LUZP1: variants seen among roughly 807,000 people sequenced by gnomAD.
LUZP1 encodes filamin mechanobinding actin cross-linking protein.
Under a neutral mutation model 71.3 loss-of-function variants are expected in LUZP1, and 25 were observed. The observed-to-expected ratio is 0.35, with a 90% CI of 0.26 to 0.49. The LOEUF (loss-of-function observed/expected upper bound fraction) is 0.49, where lower values mean the gene tolerates loss of function less well. Among genes scored for constraint, LUZP1 ranks in the 20% least tolerant of loss-of-function variants. LUZP1 has a pLI of 0.99. For missense variants in LUZP1, 1,142 were observed against 1,300.8 expected (o/e 0.88, Z 1.88); for synonymous variants, 481 against 506.4 (o/e 0.95, Z 0.67).
intron 2 of LUZP1, among the ~76,000 whole-genome samples, chr1:23,158,014 T>TAA (rs766891195): frequency 1.3e-5 from 2 of 150,462 alleles, no homozygotes; most frequent in East Asian, 2.0e-4. Context: ...CCTGTCTCTT[T>TAA]AAAAAAAAAG....
intron 2 of LUZP1, among the ~76,000 whole-genome samples, chr1:23,143,259 A>T (rs1322878281): frequency 6.6e-6 from 1 of 152,114 alleles, no homozygotes; most frequent in Non-Finnish European, 1.5e-5. Flanking sequence ...CACCTGCCTA[A>T]GCCTCCCAAA....
Position 23,094,233 on chromosome 1 carries a change from G to C in LUZP1, c.29C>G (p.Thr10Arg). ...AAACCGCAAGTGGCGGCTGGAGGCCGTCTCCTTGTAGCTTGTAAATTCGGC... is the reference window on the plus strand; with the variant it reads ...AAACCGCAAGTGGCGGCTGGAGGCCCTCTCCTTGTAGCTTGTAAATTCGGC... The change falls in exon 4 of 5, where the codon ACG becomes AGG. Residue 10 changes from threonine to arginine, a missense_variant. By Grantham distance (71) the Thr-to-Arg change is moderately conservative. Transcript: ENST00000302291. The surrounding 1 kb of genome is among the most constrained non-coding windows in gnomAD (Gnocchi z 4.7). 1 of 1,612,170 alleles carries C rather than the reference G, an allele frequency of 6.2e-7. No individual in the cohort carries two copies. Among genetic ancestry groups the C allele is most frequent in the South Asian group, 1.1e-5 (1 of 90,766 alleles).
At chr1:23,137,023 A>G (rs1374630124) in intron 2 of LUZP1, among the ~76,000 whole-genome samples, 2 of 152,238 alleles carry the variant, frequency 1.3e-5, no homozygotes, top group Non-Finnish European at 2.9e-5. Flanking sequence ...TATCTGTCAT[A>G]TGGCAATCAC....
intron 3 of LUZP1, among the ~76,000 whole-genome samples, chr1:23,104,672 G>A (rs1643965630): frequency 1.3e-5 from 2 of 152,094 alleles, no homozygotes; most frequent in South Asian, 4.1e-4. Flanking sequence ...TTCAGTCCTG[G>A]GCACTGAATA....
At chr1:23,098,433 G>A (rs1051872719) in intron 3 of LUZP1, among the ~76,000 whole-genome samples, 1 of 152,112 alleles carries the variant, frequency 6.6e-6, no homozygotes, top group Admixed American at 6.5e-5. Flanking sequence ...TGTCAAAAAC[G>A]AAGGTATAAT....
At position 23,163,555 on chromosome 1, in the gene LUZP1, T is replaced by TAAAA. The variant is rs57231452; in HGVS notation, c.-226+5207_-226+5210dup. Among the ~76,000 whole-genome samples, 96 of 119,142 alleles carry TAAAA rather than the reference T, an allele frequency of 8.1e-4. 2 individuals carry two copies. Among genetic ancestry groups the TAAAA allele is most frequent in the East Asian group, 1.9e-3 (8 of 4,222 alleles). The allele number at this position is 119,142 out of a possible 152,430, so 78.2% of individuals were successfully genotyped here. On this transcript the variant is annotated intron_variant, in intron 2 of 4. Coordinates refer to ENST00000302291, the Ensembl canonical transcript of LUZP1. ...AGAGAAAGAGTGAGATCCCGTCTCTTAAAAAAAAAAAAAAAAAAAATGCTG... is the reference window on the plus strand; with the variant it reads ...AGAGAAAGAGTGAGATCCCGTCTCTTAAAAAAAAAAAAAAAAAAAAAAAATGCTG...
chr1:23,174,069 T>A (rs886108846), intron 1 of LUZP1, among the ~76,000 whole-genome samples: 3 of 152,070 alleles, frequency 2.0e-5, no homozygotes, highest in Admixed American at 6.5e-5. Flanking sequence ...ATAATTTACT[T>A]ATTATGAGAA....
intron 2 of LUZP1, among the ~76,000 whole-genome samples, chr1:23,113,545 A>G (rs1372213347): frequency 3.3e-5 from 5 of 152,122 alleles, no homozygotes; most frequent in African/African-American, 1.2e-4. Flanking sequence ...TCAGACAAAG[A>G]TATTAACAGA....
At chr1:23,176,290 G>C (rs1384420992) in intron 1 of LUZP1, among the ~76,000 whole-genome samples, 1 of 152,046 alleles carries the variant, frequency 6.6e-6, no homozygotes, top group Non-Finnish European at 1.5e-5. Context: ...TTGAACTCTT[G>C]ACCTCAAATG....
intron 2 of LUZP1, among the ~76,000 whole-genome samples, chr1:23,135,297 G>A (rs986987974): frequency 1.3e-5 from 2 of 152,190 alleles, no homozygotes; most frequent in African/African-American, 4.8e-5. Flanking sequence ...GTTTTGCCAG[G>A]AAGCAAATTA....
chr1:23,105,161 G>A (rs1643970503), intron 3 of LUZP1, among the ~76,000 whole-genome samples: 1 of 152,184 alleles, frequency 6.6e-6, no homozygotes, highest in African/African-American at 2.4e-5. Flanking sequence ...TATTGTAATA[G>A]TCAAGGCAAG....
intron 2 of LUZP1, among the ~76,000 whole-genome samples, chr1:23,155,003 A>G (rs990042406): frequency 3.9e-5 from 6 of 152,252 alleles, no homozygotes; most frequent in African/African-American, 1.2e-4. Flanking sequence ...TAACATAATG[A>G]TAAGTCCTCA....
intron 1 of LUZP1, among the ~76,000 whole-genome samples, chr1:23,171,594 G>C (rs1202138255): frequency 6.6e-6 from 1 of 152,252 alleles, no homozygotes; most frequent in Admixed American, 6.5e-5. Context: ...TGGAAGGAGG[G>C]GAGGAACTTT....
In LUZP1 at chr1:23,093,351, T is replaced by C. The variant is rs770246778; in HGVS notation, c.911A>G (p.His304Arg). 2 of 1,613,190 alleles carry C rather than the reference T, an allele frequency of 1.2e-6. No homozygotes were observed. Among genetic ancestry groups the C allele is most frequent in the African/African-American group, 2.7e-5 (2 of 74,820 alleles). ...AAGCTCTTCTTCCAACGATTCAAAGTGTTTGATTTGTGTCTTAAGTTTCTC... is the reference window on the plus strand; with the variant it reads ...AAGCTCTTCTTCCAACGATTCAAAGCGTTTGATTTGTGTCTTAAGTTTCTC... Residue 304 changes from histidine (H) to arginine (R), a missense_variant, in exon 4 of 5, where the codon CAC (histidine) becomes CGC (arginine). Physicochemically the swap from His to Arg is conservative, Grantham distance 29 (BLOSUM62 0). Coordinates refer to ENST00000302291, the Ensembl canonical transcript of LUZP1. This position sits in a 1 kb window ranked among gnomAD's most constrained non-coding sequence, Gnocchi z 4.2.
At chr1:23,085,406 A>G (rs953219183) in exon 5 of LUZP1, 2 of 152,604 alleles carry the variant, frequency 1.3e-5, no homozygotes, top group Non-Finnish European at 2.9e-5. Context: ...CTATGATCCT[A>G]TGGTTGTGAG....
intron 1 of LUZP1, among the ~76,000 whole-genome samples, chr1:23,169,787 C>A (rs575522193): frequency 1.3e-5 from 2 of 152,298 alleles, no homozygotes; most frequent in East Asian, 1.9e-4. Context: ...GCTCTCGCTG[C>A]GGATGCCCTC....
At chr1:23,157,679 TACTC>T (rs1644430529) in intron 2 of LUZP1, among the ~76,000 whole-genome samples, 1 of 151,880 alleles carries the variant, frequency 6.6e-6, no homozygotes, top group Non-Finnish European at 1.5e-5. Context: ...TAATCCCAGA[TACTC>T]AGGAGGCTGA....
chr1:23,093,570 T>C lies in LUZP1; in HGVS notation c.692A>G (p.Asn231Ser), dbSNP rs772757233. 1.9e-6 allele frequency: 3 copies of C among 1,614,002 alleles called. No homozygotes were observed. Among genetic ancestry groups the C allele is most frequent in the Non-Finnish European group, 2.5e-6 (3 of 1,179,992 alleles). Residue 231 changes from asparagine to serine, a missense_variant, in exon 4 of 5, where the codon AAT (asparagine) becomes AGT (serine). Physicochemically the swap from Asn to Ser is conservative, Grantham distance 46 (BLOSUM62 1). Coordinates refer to ENST00000302291, the Ensembl canonical transcript of LUZP1. This position sits in a 1 kb window ranked among gnomAD's most constrained non-coding sequence, Gnocchi z 4.2. ...GTCATTTCTTTCCAGATTAGAAGCA[T>C]TCCTTGTATAATCTCGGTTCATTTT...
At chr1:23,099,913 T>TAC (rs1158235930) in intron 3 of LUZP1, among the ~76,000 whole-genome samples, 1 of 152,204 alleles carries the variant, frequency 6.6e-6, no homozygotes, top group African/African-American at 2.4e-5. Context: ...CCTCTTCATC[T>TAC]ACATCCTCGC....
Sources: gnomAD v4.1 joint callset for allele counts (sites outside exome capture counted in the v4.1 genomes callset) on GRCh38, gnomAD v4.1.1 for gene constraint, Gnocchi (gnomAD v3.1) non-coding constraint, MANE v1.5 for transcripts, NCBI Gene and HGNC (gene_info 2026-07-23, HGNC 2026-07-21) for gene names.